Variants in PTHLH observed in about 807,000 individuals in gnomAD.
The protein encoded by PTHLH is parathyroid hormone-related protein.
PTHLH carries 5 observed loss-of-function variants against 18.6 expected under a neutral mutation model. The observed-to-expected ratio is 0.27, with a 90% confidence interval of 0.14 to 0.56. The LOEUF (loss-of-function observed/expected upper bound fraction) is 0.56. PTHLH is among the 20% of genes least tolerant of loss of function. The probability of loss-of-function intolerance (pLI) is 0.92; values close to 1 mark genes in which losing one functional copy is unlikely to be tolerated. For missense variants in PTHLH, 207 were observed against 223.9 expected (o/e 0.92, Z 0.48); for synonymous variants, 90 against 94.0 (o/e 0.96, Z 0.25).
intron 1 of PTHLH, 114 bp from the exon 2 acceptor site, chr12:27,972,133 A>G (rs917968619): frequency 2.0e-5 from 3 of 152,080 alleles, no homozygotes; most frequent in African/African-American, 7.2e-5. Context: ...AAAAAGTCCA[A>G]GGTACCTAGC....
chr12:27,967,547 C>T (rs578133025), intron 4 of PTHLH, among the ~76,000 whole-genome samples: 8 of 152,304 alleles, frequency 5.3e-5, no homozygotes, highest in African/African-American at 1.9e-4. Flanking sequence ...TTTACTGTTA[C>T]TTGGCAGCAA....
chr12:27,968,694 A>G (rs1315845272), intron 4 of PTHLH, among the ~76,000 whole-genome samples: 1 of 152,180 alleles, frequency 6.6e-6, no homozygotes, highest in African/African-American at 2.4e-5. Context: ...CCAAAATACA[A>G]GTTTTCAGTC....
chr12:27,961,353 A>T (rs1367079578), intron 5 of PTHLH, among the ~76,000 whole-genome samples: 1 of 140,260 alleles, frequency 7.1e-6, no homozygotes, highest in Non-Finnish European at 1.5e-5. Context: ...TCATAGAAAC[A>T]TATCCCCCTA....
chr12:27,969,550 T>C, intron 3 of PTHLH, 34 bp from the exon 4 acceptor site: 2 of 1,497,548 alleles, frequency 1.3e-6, no homozygotes, highest in Non-Finnish European at 1.8e-6. Flanking sequence ...CGAGTGTCAG[T>C]CTGGACTCTC....
At chr12:27,970,385 GCC>G (rs2062859311) in intron 2 of PTHLH, 118 bp from the exon 3 acceptor site, 1 of 148,014 alleles carries the variant, frequency 6.8e-6, no homozygotes, top group Non-Finnish European at 1.5e-5. Flanking sequence ...GCGACGGGCG[GCC>G]CGAACGGGCC....
chr12:27,968,395 G>C (rs3794276), intron 4 of PTHLH, among the ~76,000 whole-genome samples: 31,341 of 152,082 alleles, frequency 0.21, 3,749 homozygotes, highest in Admixed American at 0.31. Context: ...TATTTTTATT[G>C]TTAGTGTAAA....
intron 5 of PTHLH, chr12:27,961,565 C>T (rs1026412345): frequency 1.3e-4 from 22 of 169,482 alleles, no homozygotes; most frequent in Non-Finnish European, 2.5e-4. Context: ...AAGTAGGGTC[C>T]TTACATTAGT....
intron 5 of PTHLH, 121 bp downstream of exon 5, chr12:27,963,227 C>A: frequency 6.4e-7 from 1 of 1,557,600 alleles, no homozygotes; most frequent in South Asian, 1.2e-5. Flanking sequence ...AATTGCTACA[C>A]AATCGATAGA....
At chr12:27,964,264 C>CTG (rs2062790871) in intron 4 of PTHLH, among the ~76,000 whole-genome samples, 1 of 32,956 alleles carries the variant, frequency 3.0e-5, no homozygotes, top group South Asian at 8.9e-4. Context: ...CTCTCTCTCT[C>CTG]TCTCCTCTCT....
chr12:27,963,911 G>A (rs2062785236), intron 4 of PTHLH, 141 bp from the exon 5 acceptor site: 5 of 812,166 alleles, frequency 6.2e-6, no homozygotes, highest in South Asian at 5.2e-5. Context: ...AGCTCATTGC[G>A]CAGGGAAGGG....
At chr12:27,968,567 C>T (rs2062837853) in intron 4 of PTHLH, among the ~76,000 whole-genome samples, 1 of 152,154 alleles carries the variant, frequency 6.6e-6, no homozygotes, top group Non-Finnish European at 1.5e-5. Context: ...GATCATGTTA[C>T]TCTATCACTC....
chr12:27,964,259 T>TC (rs1386098431), intron 4 of PTHLH, among the ~76,000 whole-genome samples: 1 of 26,932 alleles, frequency 3.7e-5, no homozygotes, highest in Non-Finnish European at 8.8e-5. Context: ...TCTCTCTCTC[T>TC]CTCTCTCTCC....
At chr12:27,962,118 T>G in intron 5 of PTHLH, 1 of 528,430 alleles carries the variant, frequency 1.9e-6, no homozygotes, top group Non-Finnish European at 3.3e-6. Context: ...TGGGGCCACC[T>G]ATTTCAATTC....
At chr12:27,967,671 G>T (rs2062827618) in intron 4 of PTHLH, among the ~76,000 whole-genome samples, 1 of 152,182 alleles carries the variant, frequency 6.6e-6, no homozygotes, top group Non-Finnish European at 1.5e-5. Context: ...GTAATGTGAT[G>T]ATCTATTACC....
At chr12:27,969,651 A>C (rs1216543909) in intron 3 of PTHLH, 135 bp from the exon 4 acceptor site, 2 of 861,486 alleles carry the variant, frequency 2.3e-6, no homozygotes, top group Admixed American at 3.4e-5. Context: ...GAAAAGAAAA[A>C]AAATTTCTCT....
rs1336070802 is a variant in PTHLH at position 27,963,689 on chromosome 12, G to A, written c.183C>T (p.His61=). The A allele has an allele frequency of 1.2e-6, 2 of 1,613,620 alleles. No homozygotes were observed. The highest frequency in any genetic ancestry group is 2.2e-5 in the South Asian group (2 of 90,966). Residue 61 remains histidine (H), a synonymous_variant, in exon 5 of 6, where the codon CAC becomes CAT. Coordinates refer to ENST00000545234, the MANE Select transcript of PTHLH (RefSeq NM_198965.2). ...CTGTGTGGATTTCTGCGATCAGATG[G>A]TGAAGGAAGAATCGTCGCCGTAAAT... ...IQDLRRRFFL[H]HLIAEIHTAE...
intron 5 of PTHLH, chr12:27,962,794 A>C (rs777886783): frequency 1.0e-5 from 10 of 972,288 alleles, no homozygotes; most frequent in Non-Finnish European, 1.2e-5. Flanking sequence ...AACATAATTT[A>C]AGTTCTTTAC....
chr12:27,960,448 C>A (rs548109711), intron 5 of PTHLH, among the ~76,000 whole-genome samples: 1 of 151,906 alleles, frequency 6.6e-6, no homozygotes, highest in Non-Finnish European at 1.5e-5. Flanking sequence ...TATTATTGGC[C>A]GGTGTGGTGG....
chr12:27,969,340 G>A (rs2062845440), intron 4 of PTHLH, 54 bp downstream of exon 4: 13 of 1,494,420 alleles, frequency 8.7e-6, no homozygotes, highest in Non-Finnish European at 1.2e-5. Flanking sequence ...CAGCTTGGCA[G>A]CCCCTCCCCC....
Sources: gnomAD v4.1 joint callset for allele counts (sites outside exome capture counted in the v4.1 genomes callset) on GRCh38, gnomAD v4.1.1 for gene constraint, MANE v1.5 for transcripts, NCBI Gene and HGNC (gene_info 2026-07-23, HGNC 2026-07-21) for gene names.